The following DLGAP1 variants were observed in gnomAD, a reference collection of about 807,000 sequenced individuals.
The protein encoded by DLGAP1 is disks large-associated protein 1.
A neutral mutation model predicts 90.8 loss-of-function variants in DLGAP1; 11 were observed. The ratio of observed to expected loss-of-function variants is 0.12; its 90% CI spans 0.08 to 0.20. The LOEUF (loss-of-function observed/expected upper bound fraction) is 0.20, where lower values mean the gene tolerates loss of function less well. Among genes scored for constraint, DLGAP1 ranks in the 10% least tolerant of loss-of-function variants. The pLI, the probability that DLGAP1 is intolerant of heterozygous loss-of-function variation, is 1.00. For missense variants in DLGAP1, 1,050 were observed against 1,333.8 expected (o/e 0.79, Z 3.31); for synonymous variants, 558 against 540.7 (o/e 1.03, Z -0.44).
chr18:4,118,627 G>T (rs2144083437), intron 2 of DLGAP1, among the ~76,000 whole-genome samples: 1 of 143,026 alleles, frequency 7.0e-6, no homozygotes, highest in Non-Finnish European at 1.5e-5. Context: ...CTCCCATGGT[G>T]AAACTGTAGC....
At chr18:3,861,476 T>C (rs2070054722) in intron 4 of DLGAP1, among the ~76,000 whole-genome samples, 1 of 152,196 alleles carries the variant, frequency 6.6e-6, no homozygotes, top group African/African-American at 2.4e-5. Context: ...CTAAGCAAGA[T>C]GAACATCTCA....
intron 12 of DLGAP1, among the ~76,000 whole-genome samples, chr18:3,501,249 AT>A (rs1201884187): frequency 7.2e-6 from 1 of 139,598 alleles, no homozygotes; most frequent in South Asian, 2.4e-4. Context: ...AAAAAAAAAA[AT>A]TAGATGCATC....
chr18:4,398,360 G>T (rs1282712575), intron 1 of DLGAP1, among the ~76,000 whole-genome samples: 1 of 152,038 alleles, frequency 6.6e-6, no homozygotes, highest in Non-Finnish European at 1.5e-5. Context: ...AAATGTGACT[G>T]TTCACTTTCT....
At chr18:4,177,359 C>G (rs2077126761) in intron 1 of DLGAP1, among the ~76,000 whole-genome samples, 1 of 74,090 alleles carries the variant, frequency 1.3e-5, no homozygotes, top group South Asian at 4.2e-4. Flanking sequence ...TGAACACACA[C>G]ACACACACAC....
chr18:4,438,871 T>C (rs570773116), intron 1 of DLGAP1, among the ~76,000 whole-genome samples: 46 of 152,334 alleles, frequency 3.0e-4, no homozygotes, highest in African/African-American at 1.1e-3. Context: ...ATTAGTGTTT[T>C]AAAGGAAGCT....
chr18:3,724,470 G>A (rs564324178), intron 7 of DLGAP1, among the ~76,000 whole-genome samples: 18 of 152,316 alleles, frequency 1.2e-4, no homozygotes, highest in African/African-American at 4.3e-4. Flanking sequence ...TCTGTTGGGT[G>A]TGGTGGCTCA....
intron 2 of DLGAP1, among the ~76,000 whole-genome samples, chr18:4,114,423 T>G: frequency 6.6e-6 from 1 of 152,108 alleles, no homozygotes; most frequent in East Asian, 1.9e-4. Context: ...ATGCTACTGG[T>G]GTATAGAAAT....
intron 9 of DLGAP1, among the ~76,000 whole-genome samples, chr18:3,542,266 T>G (rs1375546360): frequency 6.6e-6 from 1 of 152,232 alleles, no homozygotes; most frequent in Non-Finnish European, 1.5e-5. Context: ...GAAAAGATCC[T>G]GGCTTTCCCT....
chr18:3,860,313 A>G (rs559410913), intron 4 of DLGAP1, among the ~76,000 whole-genome samples: 1 of 151,312 alleles, frequency 6.6e-6, no homozygotes, highest in South Asian at 2.1e-4. Flanking sequence ...GTGTTTTTTC[A>G]GGCATAATAA....
intron 3 of DLGAP1, among the ~76,000 whole-genome samples, chr18:3,994,708 G>C (rs1023280604): frequency 6.6e-6 from 1 of 151,998 alleles, no homozygotes; most frequent in Non-Finnish European, 1.5e-5. Context: ...CATTAATCAC[G>C]GACTTTTAAA....
intron 5 of DLGAP1, among the ~76,000 whole-genome samples, chr18:3,752,503 C>T (rs2063540471): frequency 1.3e-5 from 2 of 148,938 alleles, no homozygotes; most frequent in South Asian, 4.4e-4. Flanking sequence ...TCTTTCCTCC[C>T]TCCCTCTCTC....
At chr18:4,222,267 A>G (rs1025226890) in intron 1 of DLGAP1, among the ~76,000 whole-genome samples, 2 of 152,176 alleles carry the variant, frequency 1.3e-5, no homozygotes, top group Non-Finnish European at 2.9e-5. Flanking sequence ...TGCCCCAAAC[A>G]TAATGCTTAA....
At chr18:4,280,086 T>C (rs116243929) in intron 1 of DLGAP1, among the ~76,000 whole-genome samples, 3,149 of 152,288 alleles carry the variant, frequency 0.021, 124 homozygotes, top group African/African-American at 0.072. Flanking sequence ...AAATATGACA[T>C]ACTGGCTGTT....
intron 5 of DLGAP1, among the ~76,000 whole-genome samples, chr18:3,749,367 G>A (rs1256450976): frequency 6.6e-6 from 1 of 151,812 alleles, no homozygotes; most frequent in Non-Finnish European, 1.5e-5. Context: ...TGGTCAGGCT[G>A]ATCTTGAACT....
At chr18:3,877,423 T>TA (rs2071032094) in intron 4 of DLGAP1, among the ~76,000 whole-genome samples, 1 of 152,248 alleles carries the variant, frequency 6.6e-6, no homozygotes, top group African/African-American at 2.4e-5. Context: ...ATCTCATCAT[T>TA]ACTTACTTAA....
chr18:4,443,267 T>C (rs2083580426), intron 1 of DLGAP1, among the ~76,000 whole-genome samples: 1 of 152,168 alleles, frequency 6.6e-6, no homozygotes, highest in Admixed American at 6.5e-5. Context: ...TGTAGCTACT[T>C]AGCAATTATT....
rs1193439184 is a variant in DLGAP1, at chr18:4,205,364, G to A, written c.-266-54077C>T. ...GCACTAAGTGGATGGGATAGGAGGGGGCGATGAGAAGCTATGGTTGGTCTG... is the reference window on the plus strand; with the variant it reads ...GCACTAAGTGGATGGGATAGGAGGGAGCGATGAGAAGCTATGGTTGGTCTG... On this transcript the variant is annotated intron_variant, in intron 1 of 12. Transcript: ENST00000315677. 2.0e-5 allele frequency among the ~76,000 whole-genome samples: 3 copies of A among 152,170 alleles called. No individual in the cohort carries two copies. In the East Asian group the frequency reaches 5.8e-4, roughly 29 times the overall value.
intron 7 of DLGAP1, chr18:3,596,837 G>T (rs1371180404): frequency 1.9e-6 from 1 of 520,100 alleles, no homozygotes; most frequent in Non-Finnish European, 3.8e-6. Flanking sequence ...TGATTGTGCA[G>T]TGTCATGTCC....
intron 7 of DLGAP1, among the ~76,000 whole-genome samples, chr18:3,717,434 C>T (rs2061802489): frequency 6.6e-6 from 1 of 152,160 alleles, no homozygotes; most frequent in Non-Finnish European, 1.5e-5. Flanking sequence ...GGATGAACAG[C>T]CTGAGAAAGA....
Sources: gnomAD v4.1 joint callset for allele counts (sites outside exome capture counted in the v4.1 genomes callset) on GRCh38, gnomAD v4.1.1 for gene constraint, MANE v1.5 for transcripts, NCBI Gene and HGNC (gene_info 2026-07-23, HGNC 2026-07-21) for gene names.